NXPE1: variants seen among roughly 807,000 people sequenced by gnomAD.
NXPE1 encodes neurexophilin and PC-esterase domain family member 1.
NXPE1 carries 31 observed loss-of-function variants against 33.3 expected under a neutral mutation model. That is an observed-to-expected ratio of 0.93 (90% confidence interval 0.70 to 1.26). The LOEUF is 1.26. NXPE1 is among the 50% of genes most tolerant of loss of function. The pLI is 0.00. For synonymous variants in NXPE1, 229 were observed against 231.4 expected (o/e 0.99, Z 0.09); for missense variants, 661 against 655.6 (o/e 1.01, Z -0.09).
intron 2 of NXPE1, 52 bp downstream of exon 2, chr11:114,552,800 A>G: frequency 1.3e-6 from 1 of 777,360 alleles, no homozygotes; most frequent in South Asian, 5.9e-5. Flanking sequence ...TAGATTCTCA[A>G]TCTCCTTTTC....
chr11:114,547,891 T>C (rs865834891), intron 5 of NXPE1, among the ~76,000 whole-genome samples: 50 of 152,272 alleles, frequency 3.3e-4, no homozygotes, highest in African/African-American at 1.1e-3. Flanking sequence ...AATGTTGAAA[T>C]GGAGGATATT....
chr11:114,551,155 G>A (rs1460260251), exon 5 of NXPE1: 1 of 1,535,094 alleles, frequency 6.5e-7, no homozygotes, highest in Non-Finnish European at 8.7e-7. Flanking sequence ...TACTGAAAAA[G>A]AGATCAAGAT....
chr11:114,554,404 G>A (rs1948601600), intron 1 of NXPE1: 1 of 984,794 alleles, frequency 1.0e-6, no homozygotes, highest in Admixed American at 6.2e-5. Context: ...CAATATTCCA[G>A]AACAGGGGGT....
Position 114,523,451 on chromosome 11 carries a change from C to T in NXPE1, c.896-360G>A, listed in dbSNP as rs563178378. Among the ~76,000 whole-genome samples the T allele has an allele frequency of 7.6e-4, 116 of 152,034 alleles. No homozygotes were observed. The South Asian group carries it at 0.022, about 28-fold the overall frequency. On this transcript the variant is annotated intron_variant, in intron 7 of 8. Transcript: ENST00000534921. The stretch of plus-strand genomic sequence containing the variant: ...ATGTTAGTGGTCTGCCAGTTGGTGC[C>T]GCTGTATAAAATTCTTTACCTTTGT...
At chr11:114,552,052 GT>G (rs1948505617) in exon 3 of NXPE1, 1 of 152,358 alleles carries the variant, frequency 6.6e-6, no homozygotes, top group East Asian at 1.9e-4. Context: ...AAAGTTCTGT[GT>G]TTTGAATCTG....
chr11:114,545,728 C>T (rs1230703537), intron 5 of NXPE1, among the ~76,000 whole-genome samples: 1 of 148,716 alleles, frequency 6.7e-6, no homozygotes, highest in Non-Finnish European at 1.5e-5. Flanking sequence ...CCTGCCCTGT[C>T]TCCAGGCTGG....
intron 5 of NXPE1, 100 bp from the exon 6 acceptor site, chr11:114,531,008 A>G: frequency 2.5e-6 from 3 of 1,215,084 alleles, no homozygotes; most frequent in Non-Finnish European, 3.3e-6. Flanking sequence ...TATTTGTATA[A>G]TTGAATTCAA....
At chr11:114,538,669 A>G (rs1947946026) in intron 5 of NXPE1, among the ~76,000 whole-genome samples, 1 of 152,232 alleles carries the variant, frequency 6.6e-6, no homozygotes, top group Non-Finnish European at 1.5e-5. Context: ...TGCAGCCAAA[A>G]AACACGTGAA....
At chr11:114,559,876 A>G (rs1350414544) in exon 1 of NXPE1, 1 of 152,036 alleles carries the variant, frequency 6.6e-6, no homozygotes, top group Non-Finnish European at 1.5e-5. Context: ...GCTGTGTAAA[A>G]TGTTTTTGTT....
chr11:114,538,729 A>G (rs968028433), intron 5 of NXPE1, among the ~76,000 whole-genome samples: 145 of 152,256 alleles, frequency 9.5e-4, no homozygotes, highest in Non-Finnish European at 1.4e-3. Flanking sequence ...CAAAACCACA[A>G]TGAGATACCA....
chr11:114,522,972 T>G, exon 8 of NXPE1: 1 of 1,613,636 alleles, frequency 6.2e-7, no homozygotes, highest in Non-Finnish European at 8.5e-7. Context: ...CCATTTATCT[T>G]AATTGTGTCT....
chr11:114,520,457 A>T (rs1039961316), downstream of NXPE1, among the ~76,000 whole-genome samples: 2 of 152,192 alleles, frequency 1.3e-5, no homozygotes, highest in Admixed American at 1.3e-4. Context: ...CTCCTTTTGT[A>T]AGGCTGAATG....
intron 5 of NXPE1, among the ~76,000 whole-genome samples, chr11:114,535,988 A>G (rs1436957110): frequency 6.6e-6 from 1 of 152,210 alleles, no homozygotes; most frequent in Non-Finnish European, 1.5e-5. Context: ...CATTCTTTTC[A>G]GCACCACACC....
intron 5 of NXPE1, among the ~76,000 whole-genome samples, chr11:114,541,188 G>A (rs547133140): frequency 3.9e-5 from 6 of 152,040 alleles, no homozygotes; most frequent in South Asian, 2.1e-4. Flanking sequence ...GGAGTAAAAC[G>A]GAATCCGTGG....
intron 1 of NXPE1, chr11:114,553,852 T>G: frequency 2.1e-6 from 2 of 958,080 alleles, no homozygotes; most frequent in Non-Finnish European, 2.5e-6. Flanking sequence ...GACATCATCT[T>G]GGTAGCTTGA....
Position 114,558,089 on chromosome 11 carries a change from A to C in NXPE1, c.-211+1709T>G, listed in dbSNP as rs1462225393. ...TAACAGATCAAATATAACATCCTCT[A>C]GCTTTTCTAGTTGCTCTCAAAAGGA... is the stretch of plus-strand genomic sequence containing the variant. On this transcript the variant is annotated intron_variant, in intron 1 of 8. Transcript: ENST00000534921. Among the ~76,000 whole-genome samples, 3 of 151,982 alleles carry C rather than the reference A, an allele frequency of 2.0e-5. No individual in the cohort carries two copies. The East Asian group carries it at 5.8e-4, about 29-fold the overall frequency.
chr11:114,538,120 T>A (rs1336652121), intron 5 of NXPE1, among the ~76,000 whole-genome samples: 1 of 152,010 alleles, frequency 6.6e-6, no homozygotes, highest in Non-Finnish European at 1.5e-5. Context: ...TCAGAAATAA[T>A]GCCACATATC....
intron 1 of NXPE1, chr11:114,554,032 CT>C: frequency 1.0e-6 from 1 of 985,454 alleles, no homozygotes; most frequent in Non-Finnish European, 1.2e-6. Flanking sequence ...ATGTCTTCTA[CT>C]TTTTCTTCTC....
intron 5 of NXPE1, among the ~76,000 whole-genome samples, chr11:114,545,583 G>A (rs1447448089): frequency 6.6e-6 from 1 of 152,234 alleles, no homozygotes; most frequent in East Asian, 1.9e-4. Context: ...AGTTGAATAG[G>A]TGAATCAGAG....
Sources: allele counts gnomAD v4.1 joint callset (sites outside exome capture counted in the v4.1 genomes callset), GRCh38; gene constraint gnomAD v4.1.1; transcripts MANE v1.5; gene names NCBI Gene and HGNC (gene_info 2026-07-23, HGNC 2026-07-21).